The following DIP2B variants were observed in gnomAD, a reference collection of about 807,000 sequenced individuals.
DIP2B encodes DIP2 acetate--CoA ligase B (putative), also known as disco-interacting protein 2 homolog B.
A neutral mutation model predicts 198.0 loss-of-function variants in DIP2B; 76 were observed. The ratio of observed to expected loss-of-function variants is 0.38; its 90% CI spans 0.32 to 0.46. The LOEUF (loss-of-function observed/expected upper bound fraction) is 0.46, where lower values mean the gene tolerates loss of function less well. DIP2B is among the 20% of genes least tolerant of loss of function. DIP2B has a pLI of 0.99. For synonymous variants in DIP2B, 701 were observed against 739.1 expected (o/e 0.95, Z 0.84); for missense variants, 1,559 against 1,978.4 (o/e 0.79, Z 4.02).
intron 35 of DIP2B, among the ~76,000 whole-genome samples, chr12:50,738,185 C>T (rs891192946): frequency 2.0e-5 from 3 of 151,984 alleles, no homozygotes; most frequent in Admixed American, 2.0e-4. Flanking sequence ...ACTAAAAATA[C>T]AAAAATTAGC....
intron 33 of DIP2B, 115 bp from the exon 34 acceptor site, chr12:50,734,958 T>C: frequency 7.8e-7 from 1 of 1,278,002 alleles, no homozygotes; most frequent in Non-Finnish European, 1.1e-6. Flanking sequence ...AACCCCTCTG[T>C]AGTATGAGGA....
intron 1 of DIP2B, among the ~76,000 whole-genome samples, chr12:50,543,021 C>T (rs1031009335): frequency 1.3e-5 from 2 of 151,804 alleles, no homozygotes; most frequent in Non-Finnish European, 2.9e-5. Flanking sequence ...ATGTGTGCCA[C>T]CATGCCTGGC....
At chr12:50,641,221 G>A (rs181414526) in intron 3 of DIP2B, among the ~76,000 whole-genome samples, 26 of 152,256 alleles carry the variant, frequency 1.7e-4, no homozygotes, top group Admixed American at 9.2e-4. Flanking sequence ...GCTGGGCATG[G>A]TGGTGGGCAC....
intron 25 of DIP2B, among the ~76,000 whole-genome samples, 172 bp from the exon 26 acceptor site, chr12:50,721,101 G>C (rs1939827973): frequency 6.6e-6 from 1 of 152,190 alleles, no homozygotes; most frequent in African/African-American, 2.4e-5. Context: ...GAGCCACCCT[G>C]TCCAGCCCCA....
At chr12:50,642,144 G>A (rs1158908556) in intron 3 of DIP2B, among the ~76,000 whole-genome samples, 1 of 152,092 alleles carries the variant, frequency 6.6e-6, no homozygotes, top group Non-Finnish European at 1.5e-5. Context: ...AAAAATAGAG[G>A]TTGTAATTTT....
At chr12:50,626,724 C>A (rs1027767671) in intron 2 of DIP2B, among the ~76,000 whole-genome samples, 1 of 151,078 alleles carries the variant, frequency 6.6e-6, no homozygotes, top group East Asian at 1.9e-4. Context: ...TTTTCTACCC[C>A]CTTCAACCAA....
chr12:50,686,542 C>G (rs1939134021), intron 11 of DIP2B, 31 bp from the exon 12 acceptor site: 6 of 1,602,412 alleles, frequency 3.7e-6, no homozygotes, highest in Non-Finnish European at 5.1e-6. Flanking sequence ...ATGGCTTAGG[C>G]AATTCAATTT....
chr12:50,635,577 C>T (rs976122033), intron 2 of DIP2B, among the ~76,000 whole-genome samples: 4 of 152,148 alleles, frequency 2.6e-5, no homozygotes, highest in Non-Finnish European at 5.9e-5. Flanking sequence ...CTTCGTGCTC[C>T]TTTCATCGCA....
chr12:50,553,730 T>C (rs1228794438), intron 1 of DIP2B, among the ~76,000 whole-genome samples: 1 of 152,174 alleles, frequency 6.6e-6, no homozygotes, highest in Non-Finnish European at 1.5e-5. Context: ...CACAGCTCAC[T>C]GCAGCCTCGA....
chr12:50,567,823 C>G (rs184926591), intron 1 of DIP2B, among the ~76,000 whole-genome samples: 2 of 152,302 alleles, frequency 1.3e-5, no homozygotes, highest in African/African-American at 4.8e-5. Flanking sequence ...CCATCGTGCC[C>G]GGCCTAAAAT....
At chr12:50,711,413 ACTTT>A in intron 22 of DIP2B, among the ~76,000 whole-genome samples, 1 of 152,302 alleles carries the variant, frequency 6.6e-6, no homozygotes, top group African/African-American at 2.4e-5. Flanking sequence ...ACATTTGCTA[ACTTT>A]CTGTGTATTC....
At chr12:50,593,620 T>C (rs553969037) in intron 1 of DIP2B, among the ~76,000 whole-genome samples, 1 of 150,872 alleles carries the variant, frequency 6.6e-6, no homozygotes, top group Non-Finnish European at 1.5e-5. Context: ...CTGAATCACC[T>C]AAGGCCACAA....
At chr12:50,609,102 T>A (rs1005810233) in intron 1 of DIP2B, among the ~76,000 whole-genome samples, 45 of 152,242 alleles carry the variant, frequency 3.0e-4, no homozygotes, top group African/African-American at 1.0e-3. Flanking sequence ...CATTGCACTC[T>A]AGCCTGTCTG....
rs756108461 is a variant in DIP2B at position 50,744,812 on chromosome 12, C to A, written c.4704C>A (p.Asp1568Glu). The A allele has an allele frequency of 8.1e-6, 13 of 1,614,166 alleles. No individual in the cohort carries two copies. Among genetic ancestry groups the A allele is most frequent in the Non-Finnish European group, 1.1e-5 (13 of 1,180,036 alleles). The change falls in exon 38 of 38, where the codon GAC becomes GAA. Residue 1568 changes from aspartate to glutamate, a missense_variant. Transcript: ENST00000301180. ...LRDSFLADQLDPIYVAYNM is the reference protein window; with the variant it reads ...LRDSFLADQLEPIYVAYNM ...ATAGCTTCCTAGCTGACCAGTTAGA[C>A]CCCATCTACGTGGCTTATAACATGT...
intron 19 of DIP2B, among the ~76,000 whole-genome samples, chr12:50,700,017 T>G (rs967586343): frequency 6.6e-6 from 1 of 152,192 alleles, no homozygotes; most frequent in Non-Finnish European, 1.5e-5. Flanking sequence ...AGTTACTAAT[T>G]AAAAATGAAG....
chr12:50,518,223 CTTT>C (rs11303099), intron 1 of DIP2B, among the ~76,000 whole-genome samples: 54 of 132,516 alleles, frequency 4.1e-4, no homozygotes, highest in Admixed American at 5.3e-4. Context: ...TCTTGGGCAA[CTTT>C]TTTTTTTTTT....
intron 1 of DIP2B, among the ~76,000 whole-genome samples, chr12:50,582,612 A>T (rs2139421129): frequency 6.6e-6 from 1 of 152,254 alleles, no homozygotes; most frequent in South Asian, 2.1e-4. Context: ...GAGATTTTCA[A>T]ACATATACCA....
intron 1 of DIP2B, among the ~76,000 whole-genome samples, chr12:50,571,548 G>GTTTTTTTT (rs71083600): frequency 2.3e-5 from 2 of 85,748 alleles, no homozygotes; most frequent in Non-Finnish European, 2.1e-5. Flanking sequence ...AAACCTAGGC[G>GTTTTTTTT]TTTTTTTTTT....
chr12:50,570,674 C>A (rs151277492), intron 1 of DIP2B, among the ~76,000 whole-genome samples: 1 of 152,326 alleles, frequency 6.6e-6, no homozygotes, highest in East Asian at 1.9e-4. Context: ...CGCGCCACTG[C>A]GATGGGCTGG....
Sources: gnomAD v4.1 joint callset for allele counts (sites outside exome capture counted in the v4.1 genomes callset) on GRCh38, gnomAD v4.1.1 for gene constraint, MANE v1.5 for transcripts, NCBI Gene and HGNC (gene_info 2026-07-23, HGNC 2026-07-21) for gene names.